VWA8: variants seen among roughly 807,000 people sequenced by gnomAD.
The protein encoded by VWA8 is von Willebrand factor A domain containing 8.
Under a neutral mutation model 241.5 loss-of-function variants are expected in VWA8, and 221 were observed. The observed-to-expected ratio is 0.91, with a 90% CI of 0.82 to 1.02. The LOEUF (loss-of-function observed/expected upper bound fraction) is 1.02, where lower values mean the gene tolerates loss of function less well. Among genes scored for constraint, VWA8 ranks in the 50% least tolerant of loss-of-function variants. The pLI, the probability that VWA8 is intolerant of heterozygous loss-of-function variation, is 0.00. For missense variants in VWA8, 2,322 were observed against 2,328.7 expected (o/e 1.00, Z 0.06); for synonymous variants, 852 against 827.1 (o/e 1.03, Z -0.52).
chr13:41,635,134 TTATAA>T (rs2044748943), intron 37 of VWA8, among the ~76,000 whole-genome samples: 1 of 152,182 alleles, frequency 6.6e-6, no homozygotes, highest in Admixed American at 6.5e-5. Context: ...TATTTAGTTA[TTATAA>T]TGTGAAATCT....
At chr13:41,592,079 A>G (rs2044458843) in intron 40 of VWA8, among the ~76,000 whole-genome samples, 1 of 151,706 alleles carries the variant, frequency 6.6e-6, no homozygotes, top group African/African-American at 2.4e-5. Flanking sequence ...ATGTCCAGCA[A>G]CGATAGACTG....
At chr13:41,859,872 C>A (rs923219815) in intron 12 of VWA8, among the ~76,000 whole-genome samples, 1 of 152,152 alleles carries the variant, frequency 6.6e-6, no homozygotes, top group Non-Finnish European at 1.5e-5. Context: ...TATACATGTA[C>A]AAATAACAGG....
At chr13:41,774,202 C>T (rs960883492) in intron 20 of VWA8, among the ~76,000 whole-genome samples, 6 of 152,098 alleles carry the variant, frequency 3.9e-5, no homozygotes, top group African/African-American at 9.7e-5. Flanking sequence ...TGCAGTGGCA[C>T]GATCTCAGCT....
At chr13:41,721,192 C>T (rs939168252) in intron 25 of VWA8, among the ~76,000 whole-genome samples, 178 bp downstream of exon 25, 1 of 152,122 alleles carries the variant, frequency 6.6e-6, no homozygotes, top group Admixed American at 6.6e-5. Context: ...AAAAGCTGAA[C>T]AGATAATAAT....
intron 2 of VWA8, chr13:41,926,414 C>G: frequency 1.9e-6 from 1 of 534,796 alleles, no homozygotes; most frequent in East Asian, 4.9e-5. Context: ...TGAACATCAT[C>G]CCGGGGGAGC....
chr13:41,740,902 C>G (rs1345219596), intron 21 of VWA8, among the ~76,000 whole-genome samples: 6 of 152,016 alleles, frequency 3.9e-5, no homozygotes, highest in Non-Finnish European at 8.8e-5. Flanking sequence ...ATATATGGGT[C>G]AAATTAGAAA....
chr13:41,947,874 G>A (rs1288287259), intron 2 of VWA8, among the ~76,000 whole-genome samples: 6 of 138,224 alleles, frequency 4.3e-5, no homozygotes, highest in Non-Finnish European at 6.1e-5. Context: ...GGAGGTTGCA[G>A]TGAGCCGACA....
chr13:41,842,558 A>G (rs1290217395), intron 12 of VWA8, among the ~76,000 whole-genome samples: 1 of 152,232 alleles, frequency 6.6e-6, no homozygotes, highest in Admixed American at 6.5e-5. Context: ...TTAAAGATTT[A>G]TACTATGAAC....
chr13:41,952,422 A>G (rs556946641), intron 1 of VWA8, among the ~76,000 whole-genome samples: 1 of 152,352 alleles, frequency 6.6e-6, no homozygotes, highest in East Asian at 1.9e-4. Flanking sequence ...TTTTCTTTTA[A>G]AAGATAAGCT....
chr13:41,736,285 C>T (rs1031940473), intron 21 of VWA8, among the ~76,000 whole-genome samples: 1 of 152,156 alleles, frequency 6.6e-6, no homozygotes, highest in African/African-American at 2.4e-5. Context: ...TCAATAAAGG[C>T]GCTGCTCAAA....
chr13:41,777,191 C>G (rs1422010612), intron 20 of VWA8, among the ~76,000 whole-genome samples: 1 of 152,128 alleles, frequency 6.6e-6, no homozygotes, highest in Non-Finnish European at 1.5e-5. Context: ...AAAACACAGT[C>G]CCTGCTCTCA....
chr13:41,584,881 C>T (rs527632013), intron 42 of VWA8, among the ~76,000 whole-genome samples: 33 of 152,240 alleles, frequency 2.2e-4, no homozygotes, highest in African/African-American at 6.0e-4. Flanking sequence ...CACAGAGGCA[C>T]GTGTGAAGAA....
intron 35 of VWA8, among the ~76,000 whole-genome samples, chr13:41,678,132 T>A (rs17637535): frequency 0.024 from 3,700 of 152,288 alleles, 85 homozygotes; most frequent in East Asian, 0.096. Flanking sequence ...CTCTGGGGAC[T>A]TGGAAAGGAT....
intron 21 of VWA8, among the ~76,000 whole-genome samples, chr13:41,746,875 A>C (rs1041315725): frequency 2.0e-5 from 3 of 151,990 alleles, no homozygotes; most frequent in African/African-American, 7.3e-5. Context: ...GATTGTAACA[A>C]TTGGTTTGAC....
intron 20 of VWA8, among the ~76,000 whole-genome samples, chr13:41,773,755 C>T (rs1399302666): frequency 6.6e-6 from 1 of 152,198 alleles, no homozygotes; most frequent in Non-Finnish European, 1.5e-5. Context: ...AATTTCCACC[C>T]CTTGACCTGG....
intron 42 of VWA8, among the ~76,000 whole-genome samples, chr13:41,579,461 C>T (rs966436419): frequency 6.6e-5 from 10 of 152,320 alleles, no homozygotes; most frequent in South Asian, 6.2e-4. Flanking sequence ...TAGGCTCTGA[C>T]GTTAACAAGC....
At position 41,671,054 on chromosome 13, in the gene VWA8, A is replaced by T. The variant is rs763455968; in HGVS notation, c.4503T>A (p.Thr1501=). Residue 1501 remains threonine, a synonymous_variant, in exon 37 of 45, where the codon ACT becomes ACA. Transcript: ENST00000379310. ...GCCTGATGTGACCTCCCATATCAAC[A>T]GTAACAACACCGCTTTTGTCCCACT... ...LAEWDKSGVV[T]VDMGGHIRLW... 43 of 1,613,910 alleles carry T rather than the reference A, an allele frequency of 2.7e-5. No homozygotes were observed. Among genetic ancestry groups the T allele is most frequent in the Non-Finnish European group, 3.6e-5 (42 of 1,179,914 alleles).
chr13:41,714,669 A>G (rs982327864), intron 26 of VWA8, among the ~76,000 whole-genome samples: 5 of 151,918 alleles, frequency 3.3e-5, no homozygotes, highest in African/African-American at 1.2e-4. Flanking sequence ...TTGATCCTCC[A>G]TATGTCACAA....
In VWA8 at chr13:41,721,486, G is replaced by A. The variant is rs750610805; in HGVS notation, c.2848C>T (p.Pro950Ser). 6.2e-7 allele frequency: 1 copy of A among 1,613,904 alleles called. No homozygotes were observed. Among genetic ancestry groups the A allele is most frequent in the Non-Finnish European group, 8.5e-7 (1 of 1,179,858 alleles). ...LRQYGPNVPEPILQKLVAAFG... is the reference protein window; with the variant it reads ...LRQYGPNVPESILQKLVAAFG... Reference sequence around the variant, plus strand: ...GCAGCCACAAGCTTCTGAAGGATGGGCTCAGGCACATTTGGTCCATACTGT... The same window carrying A: ...GCAGCCACAAGCTTCTGAAGGATGGACTCAGGCACATTTGGTCCATACTGT... Residue 950 changes from proline to serine, a missense_variant, in exon 25 of 45, where the codon CCC becomes TCC. Pro to Ser is a moderately conservative substitution (Grantham distance 74). Transcript: ENST00000379310.
Sources: gnomAD v4.1 joint callset for allele counts (sites outside exome capture counted in the v4.1 genomes callset) on GRCh38, gnomAD v4.1.1 for gene constraint, MANE v1.5 for transcripts, NCBI Gene and HGNC (gene_info 2026-07-23, HGNC 2026-07-21) for gene names.